BPIFC: variants seen among roughly 807,000 people sequenced by gnomAD.
BPIFC encodes BPI fold containing family C.
Under a neutral mutation model 57.6 loss-of-function variants are expected in BPIFC, and 60 were observed. The observed-to-expected ratio is 1.04, with a 90% confidence interval of 0.85 to 1.29. BPIFC has a LOEUF of 1.29. Among genes scored for constraint, BPIFC ranks in the 50% most tolerant of loss-of-function variants. The pLI is 0.00. For missense variants in BPIFC, 581 were observed against 600.5 expected (o/e 0.97, Z 0.34); for synonymous variants, 243 against 224.5 (o/e 1.08, Z -0.74).
intron 13 of BPIFC, among the ~76,000 whole-genome samples, chr22:32,420,346 G>T (rs1933811926): frequency 6.6e-6 from 1 of 150,608 alleles, no homozygotes; most frequent in South Asian, 2.1e-4. Context: ...TAGTTTTCAG[G>T]TTTCTGGCTC....
intron 13 of BPIFC, 91 bp from the exon 14 acceptor site, chr22:32,419,495 A>C: frequency 7.8e-7 from 1 of 1,285,062 alleles, no homozygotes; most frequent in Non-Finnish European, 1.1e-6. Flanking sequence ...TCAGTTCAAA[A>C]GTCACTATTT....
At chr22:32,431,715 A>T (rs115016720) in intron 12 of BPIFC, among the ~76,000 whole-genome samples, 1 of 151,624 alleles carries the variant, frequency 6.6e-6, no homozygotes, top group African/African-American at 2.4e-5. Flanking sequence ...TAGGTTTATT[A>T]TGTCCTTCTA....
chr22:32,431,522 G>T, intron 12 of BPIFC, 108 bp from the exon 13 acceptor site: 1 of 735,874 alleles, frequency 1.4e-6, no homozygotes, highest in Non-Finnish European at 2.3e-6. Flanking sequence ...CCCCCTTAGT[G>T]TAAAGACATT....
intron 5 of BPIFC, chr22:32,446,760 G>C (rs1346117762): frequency 1.0e-6 from 1 of 985,274 alleles, no homozygotes; most frequent in Non-Finnish European, 1.2e-6. Flanking sequence ...TTCTACACGA[G>C]GGTGCAAAGG....
At chr22:32,454,434 C>T (rs938025927) in intron 3 of BPIFC, among the ~76,000 whole-genome samples, 9 of 152,108 alleles carry the variant, frequency 5.9e-5, no homozygotes, top group East Asian at 5.8e-4. Context: ...AACTTAATAA[C>T]GACTGCTTTT....
chr22:32,444,486 C>T (rs925825796), intron 7 of BPIFC, among the ~76,000 whole-genome samples: 1 of 152,148 alleles, frequency 6.6e-6, no homozygotes, highest in Non-Finnish European at 1.5e-5. Context: ...CCAGAAGAGT[C>T]TTCCTTCTTT....
chr22:32,428,122 C>CT (rs1934118698), intron 13 of BPIFC, among the ~76,000 whole-genome samples: 2 of 152,096 alleles, frequency 1.3e-5, no homozygotes, highest in South Asian at 4.2e-4. Context: ...GCACTTTTGT[C>CT]TTTGGGGACC....
intron 1 of BPIFC, 75 bp from the exon 2 acceptor site, chr22:32,461,736 G>A: frequency 3.1e-6 from 2 of 650,834 alleles, no homozygotes; most frequent in Non-Finnish European, 3.8e-6. Flanking sequence ...AGTGGCTGCT[G>A]ACCAACTGGT....
chr22:32,446,890 C>T, intron 5 of BPIFC: 2 of 782,302 alleles, frequency 2.6e-6, no homozygotes, highest in Non-Finnish European at 3.1e-6. Flanking sequence ...ATGGCTGGCT[C>T]AAGATCATGC....
At chr22:32,449,260 C>T (rs555476359) in intron 4 of BPIFC, among the ~76,000 whole-genome samples, 3 of 152,228 alleles carry the variant, frequency 2.0e-5, no homozygotes, top group Non-Finnish European at 2.9e-5. Context: ...TTGGGCAAGG[C>T]GCTTAACCAG....
chr22:32,421,770 G>A (rs1413965999), intron 13 of BPIFC, among the ~76,000 whole-genome samples: 3 of 152,076 alleles, frequency 2.0e-5, no homozygotes, highest in African/African-American at 7.2e-5. Context: ...CACCTAGTGG[G>A]GTGGCAATCA....
At position 32,445,823 on chromosome 22, in the gene BPIFC, C is replaced by T; in HGVS notation, c.530+18G>A. The stretch of plus-strand genomic sequence containing the variant: ...CAGCCCCTAACTAGCCACTGCCCAA[C>T]CCAGGGCTCTCATTCACCTGAGTTC... On this transcript the variant is annotated intron_variant, in intron 6 of 16. Transcript: ENST00000300399. 2 of 1,613,378 alleles carry T rather than the reference C, an allele frequency of 1.2e-6. No individual in the cohort carries two copies. The highest frequency in any genetic ancestry group is 1.7e-6 in the Non-Finnish European group (2 of 1,179,794).
At position 32,419,304 on chromosome 22, in the gene BPIFC, T is replaced by C. The variant is rs1224493881; in HGVS notation, c.1260+58A>G. ...AAAACAATTAATTCGCTATTATATA[T>C]AGTAGGAGAATCCTCGTTCTTCCAG... On this transcript the variant is annotated intron_variant, in intron 14 of 16. Transcript: ENST00000300399. The C allele has an allele frequency of 4.0e-6, 6 of 1,518,694 alleles. No individual in the cohort carries two copies. The African/African-American group carries it at 5.6e-5, about 14-fold the overall frequency. 94.1% of individuals were successfully genotyped at this position (1,518,694 alleles called of 1,614,324 possible).
chr22:32,427,026 A>G (rs1216477712), intron 13 of BPIFC, among the ~76,000 whole-genome samples: 4 of 152,230 alleles, frequency 2.6e-5, no homozygotes, highest in Non-Finnish European at 2.9e-5. Flanking sequence ...TCAGAGCACC[A>G]GAAGTCTGCC....
At chr22:32,464,040 C>T (rs1023200372) in intron 1 of BPIFC, among the ~76,000 whole-genome samples, 3 of 152,164 alleles carry the variant, frequency 2.0e-5, no homozygotes, top group African/African-American at 7.2e-5. Flanking sequence ...GTGCTGGGTT[C>T]CCCTCTGAAA....
At chr22:32,415,867 A>T (rs373924654) in intron 16 of BPIFC, 48 bp downstream of exon 16, 279 of 1,338,048 alleles carry the variant, frequency 2.1e-4, no homozygotes, top group Non-Finnish European at 2.5e-4. Flanking sequence ...GGCTTAGTCT[A>T]CTATAAAAAG....
chr22:32,419,400 G>A lies in BPIFC; in HGVS notation c.1222C>T (p.Arg408Cys), dbSNP rs376981555. The change falls in exon 14 of 17, where the codon CGC (arginine) becomes TGC (cysteine). Residue 408 changes from arginine (R) to cysteine (C), a missense_variant. Transcript: ENST00000300399. ...CGATTGGACTCTGGCAAAGCAAGGC[G>A]GAATCTAAAAGAAAACAAGAAAAGT... ...LVCSLSLNRF[R>C]LALPESNRSN... The A allele has an allele frequency of 5.5e-5, 88 of 1,613,180 alleles. No homozygotes were observed. Among genetic ancestry groups the A allele is most frequent in the Non-Finnish European group, 6.6e-5 (78 of 1,179,566 alleles).
chr22:32,461,120 C>T (rs777069514), intron 2 of BPIFC, among the ~76,000 whole-genome samples: 1 of 151,830 alleles, frequency 6.6e-6, no homozygotes, highest in Non-Finnish European at 1.5e-5. Context: ...GGATGTCTTA[C>T]AGGAGGGGCC....
In BPIFC at chr22:32,442,768, C is replaced by T. The variant is rs776121133; in HGVS notation, c.595-37G>A. ...GGAATAAAAAGAAAAAAGCAAGTTA[C>T]CATGTTGTACTGGAAAGCCTTATTG... On this transcript the variant is annotated intron_variant, in intron 7 of 16. Transcript: ENST00000300399. 15 of 1,589,858 alleles carry T rather than the reference C, an allele frequency of 9.4e-6. No individual in the cohort carries two copies. In the Middle Eastern group the frequency reaches 1.8e-3, roughly 193 times the overall value.
Sources: gnomAD v4.1 joint callset for allele counts (sites outside exome capture counted in the v4.1 genomes callset) on GRCh38, gnomAD v4.1.1 for gene constraint, MANE v1.5 for transcripts, NCBI Gene and HGNC (gene_info 2026-07-23, HGNC 2026-07-21) for gene names.